SAMTOR: variants seen among roughly 807,000 people sequenced by gnomAD.
The protein encoded by SAMTOR is S-adenosylmethionine sensor upstream of mTORC1.
the SAMTOR span, among the ~76,000 whole-genome samples, chr7:112,922,481 G>A: frequency 1.7e-4 from 25 of 151,396 alleles, no homozygotes; most frequent in African/African-American, 5.8e-4. Context: ...GAGCGTCTCT[G>A]CCCGGCCGCC....
chr7:112,881,614 C>T, the SAMTOR span, among the ~76,000 whole-genome samples: 2 of 152,186 alleles, frequency 1.3e-5, no homozygotes, highest in Non-Finnish European at 2.9e-5. Context: ...CACTCCGGGT[C>T]TCCCCTCCAT....
At chr7:112,844,797 C>T in the SAMTOR span, among the ~76,000 whole-genome samples, 1 of 152,068 alleles carries the variant, frequency 6.6e-6, no homozygotes, top group Non-Finnish European at 1.5e-5. Context: ...CAAGGCAATC[C>T]TAAGCAAAAA....
the SAMTOR span, among the ~76,000 whole-genome samples, chr7:112,931,108 A>G: frequency 1.3e-5 from 2 of 152,210 alleles, no homozygotes; most frequent in Admixed American, 6.5e-5. Flanking sequence ...CTGGCTGCAC[A>G]TTGGAATCAC....
the SAMTOR span, among the ~76,000 whole-genome samples, chr7:112,936,264 G>A: frequency 6.6e-6 from 1 of 152,002 alleles, no homozygotes; most frequent in Non-Finnish European, 1.5e-5. Flanking sequence ...ATACCCCTTC[G>A]CATCACCACT....
At chr7:112,829,691 A>G in the SAMTOR span, among the ~76,000 whole-genome samples, 1 of 152,190 alleles carries the variant, frequency 6.6e-6, no homozygotes, top group Non-Finnish European at 1.5e-5. Context: ...GACAATCTGA[A>G]GTTTTTGGGT....
the SAMTOR span, among the ~76,000 whole-genome samples, chr7:112,894,208 G>C: frequency 6.6e-6 from 1 of 151,750 alleles, no homozygotes; most frequent in Middle Eastern, 3.2e-3. Flanking sequence ...AGTGGGGAGA[G>C]AGGAGAGGGG....
At chr7:112,916,753 T>C in the SAMTOR span, among the ~76,000 whole-genome samples, 3 of 152,130 alleles carry the variant, frequency 2.0e-5, no homozygotes, top group Non-Finnish European at 4.4e-5. Flanking sequence ...TACTGCGCTT[T>C]TCCGACGGGC....
chr7:112,922,142 G>C, the SAMTOR span, among the ~76,000 whole-genome samples: 1 of 152,150 alleles, frequency 6.6e-6, no homozygotes, highest in African/African-American at 2.4e-5. Context: ...TTTTTTGGTG[G>C]AGACGGGGTT....
At chr7:112,873,634 T>C in the SAMTOR span, among the ~76,000 whole-genome samples, 7 of 152,082 alleles carry the variant, frequency 4.6e-5, no homozygotes, top group African/African-American at 1.4e-4. Context: ...TAGGAAACAC[T>C]GTAGTGGACA....
the SAMTOR span, among the ~76,000 whole-genome samples, chr7:112,862,796 G>C: frequency 6.6e-6 from 1 of 152,016 alleles, no homozygotes; most frequent in Non-Finnish European, 1.5e-5. Context: ...GGGTGTGGTG[G>C]AAGACACCTG....
chr7:112,857,388 G>A, the SAMTOR span, among the ~76,000 whole-genome samples: 2 of 148,802 alleles, frequency 1.3e-5, no homozygotes, highest in Admixed American at 6.6e-5. Flanking sequence ...ACCGCGCCCG[G>A]CCATGTTCTT....
chr7:112,844,145 C>T, the SAMTOR span, among the ~76,000 whole-genome samples: 1 of 151,954 alleles, frequency 6.6e-6, no homozygotes, highest in African/African-American at 2.4e-5. Flanking sequence ...AATGAGTCAT[C>T]TATGAGATAC....
At chr7:112,877,923 C>A in the SAMTOR span, among the ~76,000 whole-genome samples, 5 of 152,118 alleles carry the variant, frequency 3.3e-5, no homozygotes, top group African/African-American at 1.2e-4. Flanking sequence ...AGAAGCTGAG[C>A]AATGTTGATG....
the SAMTOR span, among the ~76,000 whole-genome samples, chr7:112,833,306 T>G: frequency 6.6e-6 from 1 of 152,174 alleles, no homozygotes; most frequent in Non-Finnish European, 1.5e-5. Context: ...ATTCTTACCC[T>G]TATTGGGCTA....
At chr7:112,907,842 C>CTTACTTAT in the SAMTOR span, among the ~76,000 whole-genome samples, 16,050 of 146,266 alleles carry the variant, frequency 0.11, 1,059 homozygotes, top group Middle Eastern at 0.29. Flanking sequence ...TTCTTACTTA[C>CTTACTTAT]TTATTTATTT....
chr7:112,866,888 C>T, the SAMTOR span, among the ~76,000 whole-genome samples: 1 of 152,166 alleles, frequency 6.6e-6, no homozygotes, highest in Non-Finnish European at 1.5e-5. Flanking sequence ...TTCCTCCTCT[C>T]AAGATGCTTT....
the SAMTOR span, chr7:112,819,688 T>G: frequency 1.3e-5 from 2 of 152,508 alleles, no homozygotes; most frequent in Admixed American, 6.6e-5. Flanking sequence ...CATGCACACT[T>G]TGGAGCATAA....
At chr7:112,922,417 A>G in the SAMTOR span, among the ~76,000 whole-genome samples, 1 of 142,022 alleles carries the variant, frequency 7.0e-6, no homozygotes, top group Admixed American at 6.9e-5. Context: ...CTGGCCGCCC[A>G]TCGTCTGGGA....
the SAMTOR span, among the ~76,000 whole-genome samples, chr7:112,931,943 CG>C: frequency 7.2e-6 from 1 of 137,968 alleles, no homozygotes; most frequent in Non-Finnish European, 1.6e-5. Flanking sequence ...TTTCTTTTTT[CG>C]GGATGGAGTC....
Sources: allele counts gnomAD v4.1 joint callset (sites outside exome capture counted in the v4.1 genomes callset), GRCh38; gene constraint gnomAD v4.1.1; transcripts MANE v1.5; gene names NCBI Gene and HGNC (gene_info 2026-07-23, HGNC 2026-07-21).